Variants in RYR1 observed in about 807,000 individuals in gnomAD.
The protein encoded by RYR1 is central core disease of muscle.
In RYR1, 342 loss-of-function variants were observed where a neutral mutation model predicts 583.5. The observed-to-expected ratio is 0.59, with a 90% CI of 0.54 to 0.64. The LOEUF (loss-of-function observed/expected upper bound fraction) is 0.64, where lower values mean the gene tolerates loss of function less well. Among genes scored for constraint, RYR1 ranks in the 30% least tolerant of loss-of-function variants. The pLI, the probability that RYR1 is intolerant of heterozygous loss-of-function variation, is 0.00. For synonymous variants in RYR1, 2,791 were observed against 2,822.5 expected, an observed-to-expected ratio of 0.99 and a Z score of 0.35; for missense variants, 6,032 against 6,917.2, an observed-to-expected ratio of 0.87 and a Z score of 4.54.
chr19:38,536,087 G>C lies in RYR1; in HGVS notation c.11590+17G>C. The C allele has an allele frequency of 1.2e-6, 2 of 1,605,430 alleles. No homozygotes were observed. Among genetic ancestry groups the C allele is most frequent in the South Asian group, 2.2e-5 (2 of 89,992 alleles). On this transcript the variant is annotated intron_variant, in intron 82 of 105. Coordinates refer to ENST00000359596, the MANE Select transcript of RYR1 (RefSeq NM_000540.3). Reference sequence around the variant, plus strand: ...ATGGCACTGGTGAGGCCCTCCCTTGGGCTTCCCACCCCCTGAGACATCTTC... The same window carrying C: ...ATGGCACTGGTGAGGCCCTCCCTTGCGCTTCCCACCCCCTGAGACATCTTC...
intron 13 of RYR1, among the ~76,000 whole-genome samples, chr19:38,453,845 G>C (rs1967222479): frequency 6.6e-6 from 1 of 151,986 alleles, no homozygotes; most frequent in African/African-American, 2.4e-5. Context: ...TGAGGGCAGA[G>C]AGGTGACGAG....
chr19:38,529,993 T>C (rs564265183), intron 76 of RYR1, among the ~76,000 whole-genome samples: 6 of 152,310 alleles, frequency 3.9e-5, no homozygotes, highest in African/African-American at 1.2e-4. Flanking sequence ...TATTTATTTA[T>C]TTTTGAGATG....
intron 1 of RYR1, among the ~76,000 whole-genome samples, chr19:38,440,153 A>G (rs1568431380): frequency 6.6e-6 from 1 of 152,186 alleles, no homozygotes; most frequent in Non-Finnish European, 1.5e-5. Context: ...TAAGCCAGGC[A>G]CAACAGTTCA....
intron 5 of RYR1, 137 bp downstream of exon 5, chr19:38,443,933 C>A (rs529296606): frequency 2.3e-6 from 2 of 872,638 alleles, no homozygotes; most frequent in East Asian, 5.2e-5. Flanking sequence ...AGAGAGTCTG[C>A]GGTACAGTCC....
intron 24 of RYR1, among the ~76,000 whole-genome samples, chr19:38,466,755 A>C (rs954492699): frequency 2.7e-5 from 4 of 150,636 alleles, no homozygotes; most frequent in Non-Finnish European, 4.4e-5. Context: ...CCTGCCTCGG[A>C]CTCCCAAAGT....
Position 38,466,202 on chromosome 19 carries a change from G to A in RYR1, c.2982G>A (p.Val994=), listed in dbSNP as rs1277103290. 7.4e-6 allele frequency: 12 copies of A among 1,613,368 alleles called. No individual in the cohort carries two copies. The highest frequency in any genetic ancestry group is 1.7e-5 in the Admixed American group (1 of 59,990). The change falls in exon 24 of 106, where the codon GTG becomes GTA. Residue 994 remains valine, a synonymous_variant. Coordinates refer to ENST00000359596, the MANE Select transcript of RYR1 (RefSeq NM_000540.3). ...GTCTGGCAGAAAATGGGCACAACGT[G>A]TGGGCCCGAGACCGCGTGGGCCAGG... ...VDRLAENGHN[V]WARDRVGQGW...
Position 38,500,997 on chromosome 19 carries a change from A to C in RYR1, c.7614+7A>C. ...AGCCGCCTCGCTGGACACGGTGAGC[A>C]ACCCTGCCCAGCCTGGCCACCCTCC... is the stretch of plus-strand genomic sequence containing the variant. On this transcript the variant is annotated splice_region_variant and intron_variant, in intron 47 of 105. Coordinates refer to ENST00000359596, the MANE Select transcript of RYR1 (RefSeq NM_000540.3). The surrounding 1 kb of genome is among the most constrained non-coding windows in gnomAD (Gnocchi z 5.9). 1 of 1,612,338 alleles carries C rather than the reference A, an allele frequency of 6.2e-7. No homozygotes were observed. Among genetic ancestry groups the C allele is most frequent in the East Asian group, 2.2e-5 (1 of 44,892 alleles).
At position 38,455,260 on chromosome 19, in the gene RYR1, G is replaced by A. The variant is rs1472590403; in HGVS notation, c.1466G>A (p.Cys489Tyr). The part of the protein sequence containing the change: ...EEGMLSMVLN[C>Y]IDRLNVYTTA... The stretch of plus-strand genomic sequence containing the variant: ...GGGATGCTCTCCATGGTCCTGAATT[G>A]CATAGACCGCCTAAATGTCTACACC... The change falls in exon 14 of 106, where the codon TGC (cysteine) becomes TAC (tyrosine). Residue 489 changes from cysteine to tyrosine, a missense_variant. Physicochemically the swap from Cys to Tyr is radical, Grantham distance 194. This residue lies in a region of RYR1 where 2,627 missense variants were observed against 2,961.3 expected (regional missense o/e 0.89). Transcript: ENST00000359596. 1.2e-6 allele frequency: 2 copies of A among 1,614,024 alleles called. No individual in the cohort carries two copies. Among genetic ancestry groups the A allele is most frequent in the South Asian group, 2.2e-5 (2 of 91,062 alleles).
chr19:38,562,506 C>T (rs568585942), intron 90 of RYR1, among the ~76,000 whole-genome samples: 200 of 152,192 alleles, frequency 1.3e-3, no homozygotes, highest in African/African-American at 4.6e-3. Flanking sequence ...ACACATAGCC[C>T]GGGAGGTTTG....
chr19:38,573,335 G>A (rs753584154), intron 96 of RYR1, 28 bp downstream of exon 96: 2 of 1,609,532 alleles, frequency 1.2e-6, no homozygotes, highest in African/African-American at 2.7e-5. Context: ...ACCTCAGGGT[G>A]GCAGCAGGAG....
At chr19:38,482,923 C>A in intron 31 of RYR1, 104 bp from the exon 32 acceptor site, 4 of 995,656 alleles carry the variant, frequency 4.0e-6, no homozygotes, top group Non-Finnish European at 6.5e-6. Context: ...GAGCCTCTAA[C>A]GCCCAGATGA....
Position 38,534,763 on chromosome 19 carries a change from G to C in RYR1, c.11303G>C (p.Arg3768Pro). 6.2e-7 allele frequency: 1 copy of C among 1,614,030 alleles called. No individual in the cohort carries two copies. The highest frequency in any genetic ancestry group is 8.5e-7 in the Non-Finnish European group (1 of 1,179,998). ...EKQRLLYQQA[R>P]LHTRGAAEMV... ...CAGAGGCTCTTGTACCAGCAAGCAC[G>C]GCTGCACACCCGGGGGGCGGCCGAG... is the stretch of plus-strand genomic sequence containing the variant. Residue 3768 changes from arginine (R) to proline (P), a missense_variant, in exon 79 of 106, where the codon CGG becomes CCG. Physicochemically the swap from Arg to Pro is moderately radical, Grantham distance 103. Transcript: ENST00000359596.
chr19:38,464,111 T>C (rs567476571), intron 22 of RYR1, among the ~76,000 whole-genome samples: 4 of 151,626 alleles, frequency 2.6e-5, no homozygotes, highest in Admixed American at 1.3e-4. Context: ...ACCCCGTCTC[T>C]ACTAAAAATA....
At chr19:38,482,118 A>G (rs1969040372) in intron 31 of RYR1, among the ~76,000 whole-genome samples, 1 of 151,892 alleles carries the variant, frequency 6.6e-6, no homozygotes, top group Non-Finnish European at 1.5e-5. Flanking sequence ...AATTAAATAA[A>G]CCCAGAGTCT....
chr19:38,517,656 G>T lies in RYR1; in HGVS notation c.9983G>T (p.Gly3328Val), dbSNP rs2145682944. ...CTGAGAATCATCGTCAACAACCTGG[G>T]CATTGACGAGGCCTCCTGGATGAAG... ...NILRIIVNNL[G>V]IDEASWMKRL... The change falls in exon 66 of 106, where the codon GGC (glycine) becomes GTC (valine). Residue 3328 changes from glycine (G) to valine (V), a missense_variant. By Grantham distance (109) the Gly-to-Val change is moderately radical (BLOSUM62 -3). Transcript: ENST00000359596. 1 of 1,614,178 alleles carries T rather than the reference G, an allele frequency of 6.2e-7. No homozygotes were observed. The highest frequency in any genetic ancestry group is 8.5e-7 in the Non-Finnish European group (1 of 1,180,036).
chr19:38,503,467 GCTC>G (rs1293460527), intron 49 of RYR1, among the ~76,000 whole-genome samples: 1 of 152,092 alleles, frequency 6.6e-6, no homozygotes, highest in African/African-American at 2.4e-5. Context: ...ATCGAAATCA[GCTC>G]CTATTTCAAA....
chr19:38,573,115 G>C, intron 95 of RYR1, 62 bp from the exon 96 acceptor site: 1 of 1,608,438 alleles, frequency 6.2e-7, no homozygotes, highest in African/African-American at 1.3e-5. Flanking sequence ...CATGGCTTCT[G>C]CTGAGACTAT....
intron 88 of RYR1, 127 bp from the exon 89 acceptor site, chr19:38,548,106 G>A (rs1433058836): frequency 5.0e-6 from 5 of 1,005,260 alleles, no homozygotes; most frequent in African/African-American, 1.6e-5. Flanking sequence ...GACCTGTGGA[G>A]GGGAGGCTGT....
chr19:38,512,160 C>T lies in RYR1; in HGVS notation c.9233+28C>T. On this transcript the variant is annotated intron_variant, in intron 62 of 105. Transcript: ENST00000359596. The surrounding 1 kb of genome is among the most constrained non-coding windows in gnomAD (Gnocchi z 5.1). ...AGGGCCATAGGCAGTGGCGCCCACT[C>T]CCACCATCATCGGGCCCCCACCCCA... 1 of 1,613,712 alleles carries T rather than the reference C, an allele frequency of 6.2e-7. No homozygotes were observed. The highest frequency in any genetic ancestry group is 8.5e-7 in the Non-Finnish European group (1 of 1,179,692).
Sources: gnomAD v4.1 joint callset for allele counts (sites outside exome capture counted in the v4.1 genomes callset) on GRCh38, gnomAD v4.1.1 for gene constraint, gnomAD v4.1.1 regional missense constraint, Gnocchi (gnomAD v3.1) non-coding constraint, MANE v1.5 for transcripts, NCBI Gene and HGNC (gene_info 2026-07-23, HGNC 2026-07-21) for gene names.